The following SLC17A2 variants were observed in gnomAD, a reference collection of about 807,000 sequenced individuals.
SLC17A2 encodes sodium-dependent phosphate transport protein 3.
SLC17A2 carries 38 observed loss-of-function variants against 52.1 expected under a neutral mutation model. The ratio of observed to expected loss-of-function variants is 0.73; its 90% CI spans 0.56 to 0.96. The LOEUF (loss-of-function observed/expected upper bound fraction) is 0.96. SLC17A2 is among the 40% of genes least tolerant of loss of function. The pLI is 0.00. For synonymous variants in SLC17A2, 226 were observed against 211.9 expected, an observed-to-expected ratio of 1.07 and a Z score of -0.58; for missense variants, 508 against 583.9, an observed-to-expected ratio of 0.87 and a Z score of 1.34.
intron 11 of SLC17A2, 118 bp downstream of exon 11, chr6:25,914,462 T>C: frequency 1.5e-6 from 1 of 686,278 alleles, no homozygotes. Flanking sequence ...GAGTCTGATT[T>C]AGAGGCTCAT....
chr6:25,923,619 C>A, intron 3 of SLC17A2, 76 bp downstream of exon 3: 1 of 1,124,004 alleles, frequency 8.9e-7, no homozygotes. Flanking sequence ...CTTCCATACT[C>A]CACAGAATCA....
chr6:25,916,782 A>C lies in SLC17A2; in HGVS notation c.833T>G (p.Ile278Ser). 6.2e-7 allele frequency: 1 copy of C among 1,614,080 alleles called. No individual in the cohort carries two copies. Among genetic ancestry groups the C allele is most frequent in the African/African-American group, 1.3e-5 (1 of 75,022 alleles). ...GAAATGGCTGAAAAAACCCAGGAAA[A>C]TGGCCCAAAGTGGTAGGCATGTGAC... ...AMVTCLPLWA[I>S]FLGFFSHFWL... Residue 278 changes from isoleucine (I) to serine (S), a missense_variant, in exon 8 of 12, where the codon ATT (isoleucine) becomes AGT (serine). Ile to Ser is a moderately radical substitution (Grantham distance 142). Transcript: ENST00000377850.
chr6:25,915,717 C>A lies in SLC17A2; in HGVS notation c.1063+19G>T. ...GCAGAAAAGGGATTGGTTAAATGGGCCCACACGCTTATCCTTACCAAGAGA... is the reference window on the plus strand; with the variant it reads ...GCAGAAAAGGGATTGGTTAAATGGGACCACACGCTTATCCTTACCAAGAGA... On this transcript the variant is annotated intron_variant, in intron 9 of 11. Transcript: ENST00000377850. 1 of 1,613,284 alleles carries A rather than the reference C, an allele frequency of 6.2e-7. No homozygotes were observed. The highest frequency in any genetic ancestry group is 1.1e-5 in the South Asian group (1 of 90,934).
intron 1 of SLC17A2, 108 bp downstream of exon 1, chr6:25,930,169 A>C (rs1411212095): frequency 6.6e-6 from 1 of 152,252 alleles, no homozygotes; most frequent in Non-Finnish European, 1.5e-5. Context: ...AAGTCTGAAA[A>C]GACTCGTTAG....
In SLC17A2 at chr6:25,914,622, T is replaced by G. The variant is rs188774288; in HGVS notation, c.1260A>C (p.Ala420=). Residue 420 remains alanine, a synonymous_variant, in exon 11 of 12, where the codon GCA becomes GCC. Transcript: ENST00000377850. ...CAGTGGCAGTGGAAGAGATGATTCCTGCGATGAGCCCAAATCCCCTTGAGA... is the reference window on the plus strand; with the variant it reads ...CAGTGGCAGTGGAAGAGATGATTCCGGCGATGAGCCCAAATCCCCTTGAGA... ...MGISRGFGLI[A]GIISSTATGF... is the part of the protein sequence containing the mutation. 2.5e-6 allele frequency: 4 copies of G among 1,613,428 alleles called. No individual in the cohort carries two copies. Among genetic ancestry groups the G allele is most frequent in the Non-Finnish European group, 3.4e-6 (4 of 1,179,336 alleles).
intron 8 of SLC17A2, among the ~76,000 whole-genome samples, 190 bp downstream of exon 8, chr6:25,916,495 G>GC (rs1311233479): frequency 1.3e-5 from 2 of 152,136 alleles, no homozygotes; most frequent in Non-Finnish European, 2.9e-5. Context: ...GCAACCTGGG[G>GC]CAAGTTATCT....
Position 25,916,866 on chromosome 6 carries a change from C to T in SLC17A2, c.769-20G>A. On this transcript the variant is annotated intron_variant, in intron 7 of 11. Transcript: ENST00000377850. ...ACTGGGCTGAAAAGAAAGATCTAAT[C>T]AGCATGAGTATTAGAGCAGCCAAGA... 1 of 1,613,936 alleles carries T rather than the reference C, an allele frequency of 6.2e-7. No homozygotes were observed. The highest frequency in any genetic ancestry group is 1.1e-5 in the South Asian group (1 of 91,042).
rs1561873672 is a variant in SLC17A2 at position 25,914,661 on chromosome 6, A to T, written c.1221T>A (p.Ser407Arg). ...NTLDIAPRYASFLMGISRGFG... is the reference protein window; with the variant it reads ...NTLDIAPRYARFLMGISRGFG... Reference sequence around the variant, plus strand: ...ATCCCCTTGAGATTCCCATGAGGAAACTTGCATATCTGTGGGAAGATGATT... The same window carrying T: ...ATCCCCTTGAGATTCCCATGAGGAATCTTGCATATCTGTGGGAAGATGATT... The change falls in exon 11 of 12, where the codon AGT (serine) becomes AGA (arginine). Residue 407 changes from serine to arginine, a missense_variant. Physicochemically the swap from Ser to Arg is moderately radical, Grantham distance 110 (BLOSUM62 -1). Transcript: ENST00000377850. 6.2e-7 allele frequency: 1 copy of T among 1,602,620 alleles called. No individual in the cohort carries two copies. The highest frequency in any genetic ancestry group is 1.7e-5 in the Admixed American group (1 of 59,968).
chr6:25,923,579 T>C, intron 3 of SLC17A2, 116 bp downstream of exon 3: 1 of 763,214 alleles, frequency 1.3e-6, no homozygotes, highest in Non-Finnish European at 2.2e-6. Context: ...ATAGTTCCAG[T>C]CAGTTTTAAT....
chr6:25,916,653 C>A (rs1333309187), intron 8 of SLC17A2, 32 bp downstream of exon 8: 8 of 1,566,148 alleles, frequency 5.1e-6, no homozygotes, highest in Non-Finnish European at 7.0e-6. Context: ...TTACCATTAT[C>A]ATTTTCGTAG....
intron 1 of SLC17A2, among the ~76,000 whole-genome samples, chr6:25,928,467 C>G (rs1274737783): frequency 2.0e-5 from 3 of 152,130 alleles, no homozygotes; most frequent in Non-Finnish European, 4.4e-5. Flanking sequence ...AAACCCATCA[C>G]TTTAGTTTTT....
rs1276941189 is a variant in SLC17A2, at chr6:25,921,190, C to T, written c.463G>A (p.Gly155Ser). 6.2e-7 allele frequency: 1 copy of T among 1,614,016 alleles called. No homozygotes were observed. Among genetic ancestry groups the T allele is most frequent in the Admixed American group, 1.7e-5 (1 of 60,014 alleles). ...AAGTATCTGGATACCTGGGCCATGC[C>T]CTGGACTGTCCGAACCATGATGACC... ...ILVIMVRTVQ[G>S]MAQGMAWTGQ... Residue 155 changes from glycine to serine, a missense_variant, in exon 4 of 12, where the codon GGC (glycine) becomes AGC (serine). By Grantham distance (56) the Gly-to-Ser change is moderately conservative. Transcript: ENST00000377850.
intron 1 of SLC17A2, among the ~76,000 whole-genome samples, chr6:25,929,809 T>G (rs1368546457): frequency 6.6e-6 from 1 of 152,156 alleles, no homozygotes; most frequent in Non-Finnish European, 1.5e-5. Flanking sequence ...TTTATTATTA[T>G]TATTTTTTTG....
Position 25,923,702 on chromosome 6 carries a change from T to C in SLC17A2, c.233A>G (p.Asp78Gly). The C allele has an allele frequency of 6.2e-7, 1 of 1,613,780 alleles. No homozygotes were observed. Among genetic ancestry groups the C allele is most frequent in the Non-Finnish European group, 8.5e-7 (1 of 1,179,694 alleles). ...NNSSISIKEFDTKASVYQWSP... is the reference protein window; with the variant it reads ...NNSSISIKEFGTKASVYQWSP... The stretch of plus-strand genomic sequence containing the variant: ...ATTTTCCATCATACTTACCTTTGTA[T>C]CAAATTCCTTGATGGATATGCTGGA... Residue 78 changes from aspartate (D) to glycine (G), a missense_variant, in exon 3 of 12, where the codon GAT (aspartate) becomes GGT (glycine). Transcript: ENST00000377850.
intron 3 of SLC17A2, among the ~76,000 whole-genome samples, chr6:25,922,173 A>ATG: frequency 6.6e-6 from 1 of 152,164 alleles, no homozygotes; most frequent in Non-Finnish European, 1.5e-5. Flanking sequence ...AAAAAACTAT[A>ATG]AATAATACAA....
In SLC17A2 at chr6:25,917,080, AGT is replaced by A; in HGVS notation, c.655_656del (p.Thr219TrpfsTer14). 1 of 1,613,256 alleles carries A rather than the reference AGT, an allele frequency of 6.2e-7. No individual in the cohort carries two copies. Among genetic ancestry groups the A allele is most frequent in the Non-Finnish European group, 8.5e-7 (1 of 1,179,232 alleles). ...ACCATAGGAGACAGCAGACACAGCCAGTGCTACCTGGGAAGAAGGGATAAAAT... is the reference window on the plus strand; with the variant it reads ...ACCATAGGAGACAGCAGACACAGCCAGCTACCTGGGAAGAAGGGATAAAAT... ...WPFIFYIFGS[T>X]GCVCCLLWFT... On this transcript the variant is annotated frameshift_variant, in exon 7 of 12. Coordinates refer to ENST00000377850, the MANE Select transcript of SLC17A2 (RefSeq NM_001286123.3). LOFTEE classifies it high-confidence loss of function.
Position 25,914,526 on chromosome 6 carries a change from C to T in SLC17A2, c.1302+54G>A, listed in dbSNP as rs1271202230. ...GATCTTTAGAGCACCGTGTGTATCT[C>T]CAACACCTAAAACAATACCTGCCAC... On this transcript the variant is annotated intron_variant, in intron 11 of 11. Coordinates refer to ENST00000377850, the MANE Select transcript of SLC17A2 (RefSeq NM_001286123.3). The T allele has an allele frequency of 2.6e-6, 3 of 1,141,342 alleles. No individual in the cohort carries two copies. In the South Asian group the frequency reaches 3.7e-5, roughly 14 times the overall value. 70.7% of individuals were successfully genotyped at this position (1,141,342 alleles called of 1,614,324 possible).
At chr6:25,918,368 T>TA (rs1766408445) in intron 6 of SLC17A2, 119 bp downstream of exon 6, 3 of 675,280 alleles carry the variant, frequency 4.4e-6, no homozygotes, top group Admixed American at 2.6e-5. Flanking sequence ...TGACATTTTT[T>TA]ATCATCTTCC....
At chr6:25,916,922 C>T in intron 7 of SLC17A2, 47 bp downstream of exon 7, 1 of 1,606,222 alleles carries the variant, frequency 6.2e-7, no homozygotes, top group Non-Finnish European at 8.5e-7. Flanking sequence ...CCACACCCTG[C>T]CCTAGAGACC....
Sources: allele counts gnomAD v4.1 joint callset (sites outside exome capture counted in the v4.1 genomes callset), GRCh38; gene constraint gnomAD v4.1.1; transcripts MANE v1.5; gene names NCBI Gene and HGNC (gene_info 2026-07-23, HGNC 2026-07-21).